Variants in KHK observed in about 807,000 individuals in gnomAD.
KHK encodes fructokinase.
KHK carries 37 observed loss-of-function variants against 36.0 expected under a neutral mutation model. The ratio of observed to expected loss-of-function variants is 1.03; its 90% CI spans 0.79 to 1.35. KHK has a LOEUF of 1.35. Ranked by LOEUF, KHK falls within the 40% of genes most tolerant of loss-of-function variation. The pLI is 0.00. For missense variants in KHK, 395 were observed against 391.9 expected (o/e 1.01, Z -0.07); for synonymous variants, 161 against 162.8 (o/e 0.99, Z 0.08).
At chr2:27,096,878 T>C in intron 4 of KHK, 77 bp downstream of exon 4, 1 of 1,087,798 alleles carries the variant, frequency 9.2e-7, no homozygotes, top group Non-Finnish European at 1.4e-6. Flanking sequence ...CTTGGTTTCT[T>C]TGAATCATGA....
chr2:27,099,362 G>A, intron 6 of KHK, 58 bp from the exon 7 acceptor site: 3 of 1,612,630 alleles, frequency 1.9e-6, no homozygotes, highest in African/African-American at 1.3e-5. Context: ...CTGGAGCTGG[G>A]AGGATGGCTG....
rs1425589028 is a variant in KHK, at chr2:27,100,609, C to T, written c.*859C>T. Reference sequence around the variant, plus strand: ...GAGACAGACCTGGATTAAAATCTGCCATTTAATTAGCTGCATATCACCTTA... The same window carrying T: ...GAGACAGACCTGGATTAAAATCTGCTATTTAATTAGCTGCATATCACCTTA... On this transcript the variant is annotated 3_prime_UTR_variant, in exon 8 of 8. Transcript: ENST00000260598. 2.5e-6 allele frequency: 3 copies of T among 1,215,686 alleles called. No individual in the cohort carries two copies. In the East Asian group the frequency reaches 1.7e-4, roughly 69 times the overall value. The allele number at this position is 1,215,686 out of a possible 1,614,324, so 75.3% of individuals were successfully genotyped here.
chr2:27,091,703 A>G (rs77162330), intron 1 of KHK, among the ~76,000 whole-genome samples: 58 of 152,318 alleles, frequency 3.8e-4, no homozygotes, highest in African/African-American at 1.3e-3. Flanking sequence ...GCTGCTGATG[A>G]CAATGAAGCC....
chr2:27,097,596 G>C lies in KHK; in HGVS notation c.511G>C (p.Glu171Gln). ...PPEQKIRVSV[E>Q]VEKPREELFQ... is the part of the protein sequence containing the mutation. ...AGAGCAGAAGATCCGGGTGTCCGTG[G>C]AGGTGGAGAAGCCACGAGAGGAGCT... Residue 171 changes from glutamate to glutamine, a missense_variant, in exon 5 of 8, where the codon GAG becomes CAG. Glu to Gln is a conservative substitution (Grantham distance 29). Transcript: ENST00000260598. 6.2e-7 allele frequency: 1 copy of C among 1,614,108 alleles called. No individual in the cohort carries two copies. The highest frequency in any genetic ancestry group is 8.5e-7 in the Non-Finnish European group (1 of 1,180,046).
intron 1 of KHK, among the ~76,000 whole-genome samples, chr2:27,088,701 G>A (rs1669811814): frequency 6.6e-6 from 1 of 152,276 alleles, no homozygotes; most frequent in Non-Finnish European, 1.5e-5. Flanking sequence ...TGGGATTACA[G>A]GCATGAGCCA....
intron 4 of KHK, among the ~76,000 whole-genome samples, chr2:27,097,032 CAA>C (rs1670398157): frequency 6.6e-6 from 1 of 152,200 alleles, no homozygotes. Flanking sequence ...TGGCTCCAGG[CAA>C]AGTCCTGTGC....
At position 27,099,974 on chromosome 2, in the gene KHK, C is replaced by T; in HGVS notation, c.*224C>T. On this transcript the variant is annotated 3_prime_UTR_variant, in exon 8 of 8. Transcript: ENST00000260598. ...AATAAATCTTCCTCAGAGCCAGCTT[C>T]TCCTCTCAATGTCTGAACTGCTCTG... is the stretch of plus-strand genomic sequence containing the variant. The T allele has an allele frequency of 1.1e-6, 1 of 951,854 alleles. No individual in the cohort carries two copies. Among genetic ancestry groups the T allele is most frequent in the Non-Finnish European group, 1.6e-6 (1 of 616,244 alleles). The allele number at this position is 951,854 out of a possible 1,614,324, so 59.0% of individuals were successfully genotyped here.
intron 1 of KHK, 120 bp from the exon 2 acceptor site, chr2:27,092,212 G>A (rs1052608599): frequency 3.4e-5 from 29 of 845,232 alleles, no homozygotes; most frequent in African/African-American, 5.0e-5. Context: ...AAAGTGAGAC[G>A]TCGGCCTAGA....
chr2:27,087,250 G>C lies in KHK; in HGVS notation c.-10G>C. 1 of 1,579,488 alleles carries C rather than the reference G, an allele frequency of 6.3e-7. No individual in the cohort carries two copies. The highest frequency in any genetic ancestry group is 8.6e-7 in the Non-Finnish European group (1 of 1,161,980). On this transcript the variant is annotated 5_prime_UTR_variant, in exon 1 of 8. Coordinates refer to ENST00000260598, the MANE Select transcript of KHK (RefSeq NM_006488.3). Reference sequence around the variant, plus strand: ...CAGCCGGGCGGGCAGGAAGCTCTGGGAGTAGCCTCATGGAAGAGAAGCAGA... The same window carrying C: ...CAGCCGGGCGGGCAGGAAGCTCTGGCAGTAGCCTCATGGAAGAGAAGCAGA...
intron 2 of KHK, chr2:27,094,392 G>A (rs1039946271): frequency 6.5e-7 from 1 of 1,544,314 alleles, no homozygotes; most frequent in Non-Finnish European, 8.9e-7. Flanking sequence ...TGCCTTTCAG[G>A]GTCCCTAGTG....
At chr2:27,094,260 G>A (rs1670185985) in intron 2 of KHK, 3 of 621,834 alleles carry the variant, frequency 4.8e-6, no homozygotes, top group Non-Finnish European at 8.7e-6. Flanking sequence ...CTAAAAGGAT[G>A]GCCCTTAGTG....
chr2:27,090,785 G>T lies in KHK; in HGVS notation c.93-1547G>T, dbSNP rs148934167. Among the ~76,000 whole-genome samples, 1,440 of 151,930 alleles carry T rather than the reference G, an allele frequency of 9.5e-3. 23 individuals carry two copies. The highest frequency in any genetic ancestry group is 0.033 in the African/African-American group (1,372 of 41,524). On this transcript the variant is annotated intron_variant, in intron 1 of 7. Coordinates refer to ENST00000260598, the MANE Select transcript of KHK (RefSeq NM_006488.3). ...AAATCTTTGACCAGCTGGGTGCAGT[G>T]GCTCATACCTATAATCCCAGCACTT...
chr2:27,098,078 G>A (rs1321148314), intron 5 of KHK, among the ~76,000 whole-genome samples: 1 of 152,168 alleles, frequency 6.6e-6, no homozygotes, highest in Non-Finnish European at 1.5e-5. Flanking sequence ...AGGGTGGGAA[G>A]GAGACTTGCA....
rs937764478 is a variant in KHK at position 27,087,176 on chromosome 2, G to C, written c.-84G>C. 8.5e-7 allele frequency: 1 copy of C among 1,181,650 alleles called. No individual in the cohort carries two copies. Among genetic ancestry groups the C allele is most frequent in the South Asian group, 1.3e-5 (1 of 75,038 alleles). The allele number at this position is 1,181,650 out of a possible 1,614,324, so 73.2% of individuals were successfully genotyped here. A position where few individuals can be genotyped will look rare whatever the true frequency, so the allele number is the denominator to read the frequency against. On this transcript the variant is annotated 5_prime_UTR_variant, in exon 1 of 8. Coordinates refer to ENST00000260598, the MANE Select transcript of KHK (RefSeq NM_006488.3). The stretch of plus-strand genomic sequence containing the variant: ...AGGAGGAGCCAGGGCAGCTGGGAGC[G>C]GGGACACCATCCTCCTGGATAAGAG...
At position 27,100,012 on chromosome 2, in the gene KHK, T is replaced by C. The variant is rs1670711905; in HGVS notation, c.*262T>C. ...CTGAACTGCTCTGGCTGGGCATTCC[T>C]GAGGCTCTGACTCTTCGATCCTCCC... is the stretch of plus-strand genomic sequence containing the variant. On this transcript the variant is annotated 3_prime_UTR_variant, in exon 8 of 8. Coordinates refer to ENST00000260598, the MANE Select transcript of KHK (RefSeq NM_006488.3). The C allele has an allele frequency of 1.4e-6, 1 of 711,092 alleles. No homozygotes were observed. Among genetic ancestry groups the C allele is most frequent in the Non-Finnish European group, 2.4e-6 (1 of 415,778 alleles). The allele number at this position is 711,092 out of a possible 1,614,324, so 44.0% of individuals were successfully genotyped here. A position where few individuals can be genotyped will look rare whatever the true frequency, so the allele number is the denominator to read the frequency against.
At position 27,097,737 on chromosome 2, in the gene KHK, A is replaced by G. The variant is rs184213058; in HGVS notation, c.564+88A>G. ...GAATCCTTTTATCCTGCCTACCACA[A>G]TTGGAATAGTGGTTCCTGGTTTGGT... On this transcript the variant is annotated intron_variant, in intron 5 of 7. Coordinates refer to ENST00000260598, the MANE Select transcript of KHK (RefSeq NM_006488.3). 4.4e-4 allele frequency: 679 copies of G among 1,559,208 alleles called. 9 individuals are homozygous for G. In the Admixed American group the frequency reaches 9.6e-3, roughly 22 times the overall value.
chr2:27,096,593 C>T, intron 3 of KHK, 136 bp from the exon 4 acceptor site: 1 of 765,512 alleles, frequency 1.3e-6, no homozygotes, highest in Non-Finnish European at 2.3e-6. Flanking sequence ...GCCTGAGAAT[C>T]CTGTGCTGTG....
At chr2:27,089,443 G>A (rs942560662) in intron 1 of KHK, among the ~76,000 whole-genome samples, 1 of 152,192 alleles carries the variant, frequency 6.6e-6, no homozygotes, top group Non-Finnish European at 1.5e-5. Context: ...TCCAAGGACC[G>A]TGGAGAGCCT....
In KHK at chr2:27,099,538, G is replaced by A. The variant is rs774520724; in HGVS notation, c.772G>A (p.Asp258Asn). ...CGTGGTGGATACACTGGGAGCTGGA[G>A]ACACCTTCAATGCCTCCGTCATCTT... ...PRVVDTLGAG[D>N]TFNASVIFSL... Residue 258 changes from aspartate (D) to asparagine (N), a missense_variant, in exon 7 of 8, where the codon GAC becomes AAC. Coordinates refer to ENST00000260598, the MANE Select transcript of KHK (RefSeq NM_006488.3). 3.1e-6 allele frequency: 5 copies of A among 1,614,180 alleles called. No individual in the cohort carries two copies. The highest frequency in any genetic ancestry group is 4.2e-6 in the Non-Finnish European group (5 of 1,180,034).
Sources: gnomAD v4.1 joint callset for allele counts (sites outside exome capture counted in the v4.1 genomes callset) on GRCh38, gnomAD v4.1.1 for gene constraint, MANE v1.5 for transcripts, NCBI Gene and HGNC (gene_info 2026-07-23, HGNC 2026-07-21) for gene names.